Variants in DYM observed in about 807,000 individuals in gnomAD.
The protein encoded by DYM is dyggve-Melchior-Clausen syndrome protein.
Under a neutral mutation model 93.1 loss-of-function variants are expected in DYM, and 78 were observed. That is an observed-to-expected ratio of 0.84 (90% CI 0.70 to 1.01). The LOEUF (loss-of-function observed/expected upper bound fraction) is 1.01, where lower values mean the gene tolerates loss of function less well. Among genes scored for constraint, DYM ranks in the 50% least tolerant of loss-of-function variants. The pLI, the probability that DYM is intolerant of heterozygous loss-of-function variation, is 0.00. For synonymous variants in DYM, 321 were observed against 319.7 expected (o/e 1.00, Z -0.04); for missense variants, 789 against 845.0 (o/e 0.93, Z 0.82).
intron 16 of DYM, among the ~76,000 whole-genome samples, chr18:49,104,112 T>G (rs1196691444): frequency 6.6e-6 from 1 of 152,178 alleles, no homozygotes; most frequent in Non-Finnish European, 1.5e-5. Flanking sequence ...TAGTTCTCCT[T>G]GAAGAGATCC....
In DYM at chr18:49,317,451, A is replaced by T. The variant is rs756066129; in HGVS notation, c.763+14413T>A. On this transcript the variant is annotated intron_variant, in intron 8 of 17. Transcript: ENST00000675505. Reference sequence around the variant, plus strand: ...TAGAGAAGGCATCTGAAATGGGGCAACAGTGAGAAGTGGGCCTGGAAATGA... The same window carrying T: ...TAGAGAAGGCATCTGAAATGGGGCATCAGTGAGAAGTGGGCCTGGAAATGA... Among the ~76,000 whole-genome samples, 31 of 152,212 alleles carry T rather than the reference A, an allele frequency of 2.0e-4. No homozygotes were observed. The Middle Eastern group carries it at 0.01, about 50-fold the overall frequency.
chr18:49,079,532 C>G (rs2077607546), intron 17 of DYM, among the ~76,000 whole-genome samples: 2 of 151,784 alleles, frequency 1.3e-5, no homozygotes, highest in South Asian at 4.2e-4. Flanking sequence ...TCTGGTTTTC[C>G]TAGGCAGAGG....
intron 13 of DYM, among the ~76,000 whole-genome samples, chr18:49,251,208 T>A (rs372386720): frequency 6.6e-6 from 1 of 152,228 alleles, no homozygotes; most frequent in African/African-American, 2.4e-5. Flanking sequence ...GCAATGAGAT[T>A]TGCTTTTCCA....
chr18:49,217,026 T>A (rs1316208972), intron 13 of DYM, among the ~76,000 whole-genome samples: 2 of 152,104 alleles, frequency 1.3e-5, no homozygotes, highest in African/African-American at 4.8e-5. Flanking sequence ...GACGAATGTA[T>A]AACTAGAATA....
chr18:49,424,836 G>T (rs2074103670), intron 2 of DYM, among the ~76,000 whole-genome samples: 1 of 152,060 alleles, frequency 6.6e-6, no homozygotes. Context: ...CAACTTACAA[G>T]GGATGTGAAA....
chr18:49,430,579 A>G (rs112628883), intron 1 of DYM, 132 bp from the exon 2 acceptor site: 3 of 733,574 alleles, frequency 4.1e-6, no homozygotes, highest in African/African-American at 3.6e-5. Context: ...GACATCAGAT[A>G]CAAAGTTACA....
chr18:49,355,956 A>G (rs2147242616), intron 6 of DYM, among the ~76,000 whole-genome samples: 1 of 152,200 alleles, frequency 6.6e-6, no homozygotes, highest in East Asian at 1.9e-4. Flanking sequence ...AAAAGGGATG[A>G]GACAAATAAC....
intron 2 of DYM, among the ~76,000 whole-genome samples, chr18:49,401,015 AC>A (rs1423657557): frequency 6.6e-6 from 1 of 152,180 alleles, no homozygotes; most frequent in East Asian, 1.9e-4. Context: ...ACAATTAGAA[AC>A]CAAATGTTGT....
At chr18:49,307,211 G>A (rs566638849) in intron 8 of DYM, among the ~76,000 whole-genome samples, 1 of 152,208 alleles carries the variant, frequency 6.6e-6, no homozygotes, top group South Asian at 2.1e-4. Flanking sequence ...CAACAGAACT[G>A]TATAATAATG....
chr18:49,164,749 C>G (rs1428869086), intron 14 of DYM, among the ~76,000 whole-genome samples: 5 of 152,114 alleles, frequency 3.3e-5, no homozygotes, highest in African/African-American at 4.8e-5. Flanking sequence ...CCATAACAGA[C>G]TGAGGGATAT....
chr18:49,170,503 C>T (rs986321380), intron 14 of DYM, among the ~76,000 whole-genome samples: 7 of 152,012 alleles, frequency 4.6e-5, no homozygotes, highest in African/African-American at 7.3e-5. Context: ...TGTATGAGGT[C>T]GGGTGTGCTG....
intron 2 of DYM, among the ~76,000 whole-genome samples, chr18:49,408,977 G>T (rs901330115): frequency 1.1e-4 from 16 of 152,120 alleles, no homozygotes; most frequent in Admixed American, 8.5e-4. Context: ...AGTTGTGACA[G>T]AAAAAGTAAA....
At chr18:49,293,193 T>C (rs1051474226) in intron 8 of DYM, among the ~76,000 whole-genome samples, 1 of 152,236 alleles carries the variant, frequency 6.6e-6, no homozygotes, top group Non-Finnish European at 1.5e-5. Context: ...CCATGGTATA[T>C]ATGTGCCACA....
chr18:49,228,553 A>T (rs1442872120), intron 13 of DYM, among the ~76,000 whole-genome samples: 1 of 152,192 alleles, frequency 6.6e-6, no homozygotes, highest in Non-Finnish European at 1.5e-5. Context: ...ATAGAGAACT[A>T]GAATAACATG....
chr18:49,292,684 T>C, intron 8 of DYM, among the ~76,000 whole-genome samples: 1 of 149,930 alleles, frequency 6.7e-6, no homozygotes, highest in Non-Finnish European at 1.5e-5. Flanking sequence ...TTTCCTTGTG[T>C]TCCAAAAACC....
At chr18:49,300,070 A>AAT (rs948967726) in intron 8 of DYM, among the ~76,000 whole-genome samples, 5,623 of 141,586 alleles carry the variant, frequency 0.04, 365 homozygotes, top group African/African-American at 0.14. Context: ...TATATATATA[A>AAT]ATATATATAT....
At chr18:49,098,050 T>C (rs990196834) in intron 16 of DYM, among the ~76,000 whole-genome samples, 16 of 152,196 alleles carry the variant, frequency 1.1e-4, no homozygotes, top group Non-Finnish European at 2.2e-4. Flanking sequence ...TTTTGCTTCA[T>C]GTTATAGCAC....
intron 1 of DYM, among the ~76,000 whole-genome samples, chr18:49,438,331 T>C (rs2081039443): frequency 6.6e-6 from 1 of 152,166 alleles, no homozygotes; most frequent in East Asian, 1.9e-4. Context: ...CAGTGCCTCC[T>C]TCCCCGTTTT....
At position 49,114,660 on chromosome 18, in the gene DYM, C is replaced by G. The variant is rs141344953; in HGVS notation, c.1911+4084G>C. 4.5e-4 allele frequency: 363 copies of G among 798,752 alleles called. No individual in the cohort carries two copies. The African/African-American group carries it at 6.3e-3, about 14-fold the overall frequency. 49.5% of individuals were successfully genotyped at this position (798,752 alleles called of 1,614,324 possible). A position where few individuals can be genotyped will look rare whatever the true frequency, so the allele number is the denominator to read the frequency against. Reference sequence around the variant, plus strand: ...ATGGTCTTTCAGAGACTTTTTTTTTCTTTTTCTTTCGTGTGTGTGTGTGTG... The same window carrying G: ...ATGGTCTTTCAGAGACTTTTTTTTTGTTTTTCTTTCGTGTGTGTGTGTGTG... On this transcript the variant is annotated intron_variant, in intron 16 of 17. Coordinates refer to ENST00000675505, the MANE Select transcript of DYM (RefSeq NM_001353214.3).
Sources: gnomAD v4.1 joint callset for allele counts (sites outside exome capture counted in the v4.1 genomes callset) on GRCh38, gnomAD v4.1.1 for gene constraint, MANE v1.5 for transcripts, NCBI Gene and HGNC (gene_info 2026-07-23, HGNC 2026-07-21) for gene names.